The following RNF20 variants were observed in gnomAD, a reference collection of about 807,000 sequenced individuals.
RNF20 encodes the protein ring finger protein 20.
A neutral mutation model predicts 126.2 loss-of-function variants in RNF20; 84 were observed. The ratio of observed to expected loss-of-function variants is 0.67; its 90% CI spans 0.56 to 0.80. RNF20 has a LOEUF of 0.80. Among genes scored for constraint, RNF20 ranks in the 30% least tolerant of loss-of-function variants. The pLI, the probability that RNF20 is intolerant of heterozygous loss-of-function variation, is 0.00. For missense variants in RNF20, 869 were observed against 1,188.2 expected (o/e 0.73, Z 3.95); for synonymous variants, 400 against 414.3 (o/e 0.97, Z 0.42).
chr9:101,541,624 A>G (rs1564107484), intron 5 of RNF20, among the ~76,000 whole-genome samples: 1 of 152,194 alleles, frequency 6.6e-6, no homozygotes, highest in Non-Finnish European at 1.5e-5. Flanking sequence ...TAGGCTATTG[A>G]TTTATAGTGA....
rs1228496199 is a variant in RNF20, at chr9:101,554,943, G to T, written c.2169+100G>T. ...TGCTTTTTTATTTTGGTCTTTTTTT[G>T]ATTGTTAATGTGTATTTTTCCTTTT... is the stretch of plus-strand genomic sequence containing the variant. On this transcript the variant is annotated intron_variant, in intron 15 of 19. Transcript: ENST00000389120. 33 of 786,532 alleles carry T rather than the reference G, an allele frequency of 4.2e-5. No homozygotes were observed. The Middle Eastern group carries it at 9.0e-4, about 21-fold the overall frequency. The allele number at this position is 786,532 out of a possible 1,614,324, so 48.7% of individuals were successfully genotyped here.
chr9:101,536,918 C>G (rs893286416), intron 2 of RNF20, among the ~76,000 whole-genome samples: 2 of 152,126 alleles, frequency 1.3e-5, no homozygotes, highest in Non-Finnish European at 2.9e-5. Flanking sequence ...TTCTTTTCTT[C>G]TTCTTACTCT....
chr9:101,535,024 T>C (rs146476566), intron 1 of RNF20, among the ~76,000 whole-genome samples: 7,608 of 151,540 alleles, frequency 0.05, 252 homozygotes, highest in South Asian at 0.09. Flanking sequence ...TCTCCTGCCT[T>C]AGCCTCCCGA....
chr9:101,550,495 TA>T, intron 9 of RNF20, 110 bp from the exon 10 acceptor site: 1 of 851,038 alleles, frequency 1.2e-6, no homozygotes, highest in Non-Finnish European at 1.9e-6. Flanking sequence ...ATAATCTTTA[TA>T]AAATTGTCTC....
chr9:101,539,538 T>G (rs1385278732), intron 2 of RNF20, among the ~76,000 whole-genome samples: 6 of 151,942 alleles, frequency 3.9e-5, no homozygotes, highest in Admixed American at 3.3e-4. Flanking sequence ...GAGATCTTGA[T>G]GAGGTAAAGG....
chr9:101,551,601 AT>A, intron 10 of RNF20, 82 bp from the exon 11 acceptor site: 2 of 652,472 alleles, frequency 3.1e-6, no homozygotes, highest in Non-Finnish European at 4.2e-6. Flanking sequence ...TGAACTGGAA[AT>A]TTTCAGAGTA....
In RNF20 at chr9:101,553,974, T is replaced by C; in HGVS notation, c.1902-14T>C. 2 of 1,481,872 alleles carry C rather than the reference T, an allele frequency of 1.3e-6. No individual in the cohort carries two copies. The highest frequency in any genetic ancestry group is 1.9e-6 in the Non-Finnish European group (2 of 1,061,278). 91.8% of individuals were successfully genotyped at this position (1,481,872 alleles called of 1,614,324 possible). On this transcript the variant is annotated splice_polypyrimidine_tract_variant and intron_variant, in intron 13 of 19. Transcript: ENST00000389120. ...TATTACATTGTTCCCCTCCCTCTACTACGCCTGTCATAGGAAGGCACAGGA... is the reference window on the plus strand; with the variant it reads ...TATTACATTGTTCCCCTCCCTCTACCACGCCTGTCATAGGAAGGCACAGGA...
intron 12 of RNF20, 41 bp from the exon 13 acceptor site, chr9:101,552,342 A>G (rs1483279579): frequency 6.2e-7 from 1 of 1,610,312 alleles, no homozygotes; most frequent in Non-Finnish European, 8.5e-7. Context: ...CAATGTGGTT[A>G]TCATAAGAGA....
chr9:101,546,003 C>T (rs1273488457), intron 6 of RNF20, among the ~76,000 whole-genome samples: 1 of 152,138 alleles, frequency 6.6e-6, no homozygotes, highest in Non-Finnish European at 1.5e-5. Context: ...TGTTGGCTGA[C>T]TTCTTCCAGT....
At chr9:101,560,612 T>A (rs1827610223) in intron 16 of RNF20, 189 bp from the exon 17 acceptor site, 3 of 433,780 alleles carry the variant, frequency 6.9e-6, no homozygotes, top group Non-Finnish European at 1.2e-5. Flanking sequence ...TCTTCCACAA[T>A]ATTTTATATT....
intron 1 of RNF20, among the ~76,000 whole-genome samples, chr9:101,534,901 TTGAC>T (rs1469637943): frequency 1.3e-5 from 2 of 151,732 alleles, no homozygotes; most frequent in Non-Finnish European, 2.9e-5. Flanking sequence ...AAATTTAGCC[TTGAC>T]TTTCTTTTTT....
intron 14 of RNF20, 66 bp from the exon 15 acceptor site, chr9:101,554,628 G>A: frequency 1.4e-6 from 2 of 1,381,910 alleles, no homozygotes; most frequent in South Asian, 1.3e-5. Context: ...TCTTTGCACA[G>A]TATTAATTGA....
At position 101,554,847 on chromosome 9, in the gene RNF20, G is replaced by T; in HGVS notation, c.2169+4G>T. On this transcript the variant is annotated splice_donor_region_variant and intron_variant, in intron 15 of 19. Transcript: ENST00000389120. ...GAAGCTAGCCATGGCCAAGCAGGTGGACTCACTTTCTTTATTTAATTGACT... is the reference window on the plus strand; with the variant it reads ...GAAGCTAGCCATGGCCAAGCAGGTGTACTCACTTTCTTTATTTAATTGACT... 1 of 1,407,838 alleles carries T rather than the reference G, an allele frequency of 7.1e-7. No individual in the cohort carries two copies. Among genetic ancestry groups the T allele is most frequent in the South Asian group, 1.8e-5 (1 of 56,656 alleles). 87.2% of individuals were successfully genotyped at this position (1,407,838 alleles called of 1,614,324 possible).
intron 9 of RNF20, among the ~76,000 whole-genome samples, chr9:101,549,168 G>A (rs1217147978): frequency 1.3e-5 from 2 of 152,162 alleles, no homozygotes; most frequent in Non-Finnish European, 2.9e-5. Flanking sequence ...AAGTTGCGGA[G>A]ACCGGTAGTG....
At chr9:101,561,467 T>A in intron 18 of RNF20, 1 of 489,864 alleles carries the variant, frequency 2.0e-6, no homozygotes, top group East Asian at 3.6e-5. Flanking sequence ...ATTAGTAAAT[T>A]GTTAAAGAAG....
rs145275546 is a variant in RNF20, at chr9:101,540,957, C to G, written c.610C>G (p.Arg204Gly). ...GCAAGAAAAAGTGGAGCTCTTATCC[C>G]GGAAGCTAAACAGTGGAGGTGAGGC... ...KLQEKVELLSRKLNSGDNLIV... is the reference protein window; with the variant it reads ...KLQEKVELLSGKLNSGDNLIV... Residue 204 changes from arginine (R) to glycine (G), a missense_variant, in exon 5 of 20, where the codon CGG becomes GGG. Arg to Gly is a moderately radical substitution (Grantham distance 125). This residue lies in a region of RNF20 where 103 missense variants were observed against 94.3 expected (regional missense o/e 1.09). Transcript: ENST00000389120. 4 of 1,613,908 alleles carry G rather than the reference C, an allele frequency of 2.5e-6. No homozygotes were observed. Among genetic ancestry groups the G allele is most frequent in the East Asian group, 4.5e-5 (2 of 44,884 alleles).
chr9:101,540,217 T>C lies in RNF20; in HGVS notation c.144T>C (p.Ile48=). The part of the protein sequence containing the change: ...GGVSSTEELD[I]RTLQTKNRKL... ...TTACTGGGCAGGAGGAACTAGACATTAGAACACTGCAAACCAAAAATCGCA... is the reference window on the plus strand; with the variant it reads ...TTACTGGGCAGGAGGAACTAGACATCAGAACACTGCAAACCAAAAATCGCA... The change falls in exon 3 of 20, where the codon ATT becomes ATC. Residue 48 remains isoleucine (I), a synonymous_variant. Coordinates refer to ENST00000389120, the MANE Select transcript of RNF20 (RefSeq NM_019592.7). The C allele has an allele frequency of 6.2e-7, 1 of 1,614,154 alleles. No homozygotes were observed. Among genetic ancestry groups the C allele is most frequent in the Non-Finnish European group, 8.5e-7 (1 of 1,180,016 alleles).
In RNF20 at chr9:101,560,911, G is replaced by A. The variant is rs1827616135; in HGVS notation, c.2493G>A (p.Glu831=). The change falls in exon 17 of 20, where the codon GAG becomes GAA. Residue 831 remains glutamate (E), a synonymous_variant. Coordinates refer to ENST00000389120, the MANE Select transcript of RNF20 (RefSeq NM_019592.7). The part of the protein sequence containing the change: ...KELGLRTQAL[E]MNKRKAMEAA... ...TGGGTCTTAGGACCCAAGCCTTAGAGATGAATAAACGCAAGGTATGATTGA... is the reference window on the plus strand; with the variant it reads ...TGGGTCTTAGGACCCAAGCCTTAGAAATGAATAAACGCAAGGTATGATTGA... 2 of 1,612,126 alleles carry A rather than the reference G, an allele frequency of 1.2e-6. No individual in the cohort carries two copies. Among genetic ancestry groups the A allele is most frequent in the African/African-American group, 2.7e-5 (2 of 74,916 alleles).
intron 5 of RNF20, among the ~76,000 whole-genome samples, chr9:101,542,780 T>G (rs1270912209): frequency 2.0e-5 from 3 of 152,236 alleles, no homozygotes; most frequent in Admixed American, 6.5e-5. Context: ...ATCAAACGAC[T>G]TTAAAATTAC....
Sources: allele counts gnomAD v4.1 joint callset (sites outside exome capture counted in the v4.1 genomes callset), GRCh38; gene constraint gnomAD v4.1.1; regional missense constraint gnomAD v4.1.1; transcripts MANE v1.5; gene names NCBI Gene and HGNC (gene_info 2026-07-23, HGNC 2026-07-21).